Variants in FOXN3 observed in about 807,000 individuals in gnomAD.
FOXN3 encodes forkhead box protein N3.
In FOXN3, 7 loss-of-function variants were observed where a neutral mutation model predicts 38.4. That is an observed-to-expected ratio of 0.18 (90% CI 0.10 to 0.34). FOXN3 has a LOEUF of 0.34. Ranked by LOEUF, FOXN3 falls within the 10% of genes least tolerant of loss-of-function variation. The probability of loss-of-function intolerance (pLI) is 1.00; values close to 1 mark genes in which losing one functional copy is unlikely to be tolerated. For missense variants in FOXN3, 456 were observed against 613.4 expected, an observed-to-expected ratio of 0.74 and a Z score of 2.71; for synonymous variants, 230 against 242.2, an observed-to-expected ratio of 0.95 and a Z score of 0.47.
chr14:89,491,087 G>A (rs561541766), intron 1 of FOXN3, among the ~76,000 whole-genome samples: 1 of 151,878 alleles, frequency 6.6e-6, no homozygotes, highest in South Asian at 2.1e-4. Flanking sequence ...CGATTCTCCT[G>A]CCTCAGCTGG....
intron 1 of FOXN3, among the ~76,000 whole-genome samples, chr14:89,573,100 G>A (rs569492576): frequency 6.6e-6 from 1 of 152,180 alleles, no homozygotes; most frequent in East Asian, 1.9e-4. Flanking sequence ...GCGTCACCTA[G>A]TGCTTCTGAG....
At chr14:89,385,841 C>G (rs1890777336) in intron 2 of FOXN3, among the ~76,000 whole-genome samples, 1 of 152,174 alleles carries the variant, frequency 6.6e-6, no homozygotes, top group Non-Finnish European at 1.5e-5. Flanking sequence ...TTCTCTCAGG[C>G]CTCTTACTGT....
chr14:89,601,200 G>A (rs533287064), intron 1 of FOXN3, among the ~76,000 whole-genome samples: 2 of 152,282 alleles, frequency 1.3e-5, no homozygotes, highest in South Asian at 2.1e-4. Flanking sequence ...GAATTTTGAC[G>A]ATGCTATTCA....
At chr14:89,594,912 T>G (rs1298027286) in intron 1 of FOXN3, among the ~76,000 whole-genome samples, 2 of 152,136 alleles carry the variant, frequency 1.3e-5, no homozygotes, top group Non-Finnish European at 2.9e-5. Context: ...ATTTTGTGTT[T>G]CCACATAAAT....
rs1389626439 is a variant in FOXN3 at position 89,234,952 on chromosome 14, C to T, written c.745+45998G>A. On this transcript the variant is annotated intron_variant, in intron 4 of 5. Coordinates refer to ENST00000557258, the MANE Select transcript of FOXN3 (RefSeq NM_005197.4). ...CAAATTTGCCCTTCTTGCAACCTCC[C>T]TAATTCCCGCAGCAAGAAATGAAGT... is the stretch of plus-strand genomic sequence containing the variant. Among the ~76,000 whole-genome samples the T allele has an allele frequency of 2.6e-5, 4 of 152,270 alleles. No homozygotes were observed. In the South Asian group the frequency reaches 8.3e-4, roughly 32 times the overall value.
chr14:89,267,187 G>A (rs1463311963), intron 4 of FOXN3, among the ~76,000 whole-genome samples: 1 of 152,188 alleles, frequency 6.6e-6, no homozygotes, highest in Non-Finnish European at 1.5e-5. Context: ...GGAGATGAGG[G>A]TGGCTACACA....
intron 5 of FOXN3, among the ~76,000 whole-genome samples, chr14:89,176,277 C>G (rs1423001407): frequency 6.6e-6 from 1 of 152,104 alleles, no homozygotes; most frequent in East Asian, 1.9e-4. Context: ...GTGTAATGAT[C>G]AGCTAATAAA....
chr14:89,531,702 GC>G (rs1894575010), intron 1 of FOXN3, among the ~76,000 whole-genome samples: 2 of 152,260 alleles, frequency 1.3e-5, no homozygotes, highest in Non-Finnish European at 2.9e-5. Flanking sequence ...CTGCATTTCT[GC>G]ATTTCTGCCA....
At chr14:89,531,365 CATT>C (rs1294944056) in intron 1 of FOXN3, among the ~76,000 whole-genome samples, 1 of 152,048 alleles carries the variant, frequency 6.6e-6, no homozygotes, top group South Asian at 2.1e-4. Flanking sequence ...ATACATATAT[CATT>C]GTCTCTAGAA....
intron 4 of FOXN3, among the ~76,000 whole-genome samples, chr14:89,182,148 T>C (rs1044018554): frequency 4.6e-5 from 7 of 152,250 alleles, no homozygotes; most frequent in Non-Finnish European, 1.0e-4. Context: ...AAGCCAATAT[T>C]ATATAGGTAG....
rs1302981140 is a variant in FOXN3, at chr14:89,557,779, G to A, written c.-15+61249C>T. Among the ~76,000 whole-genome samples the A allele has an allele frequency of 3.3e-5, 5 of 152,336 alleles. No homozygotes were observed. In the East Asian group the frequency reaches 9.6e-4, roughly 29 times the overall value. Reference sequence around the variant, plus strand: ...CCAGCACTTCAGGAGGCTGAGGCGGGTAGATCACTTGAGGCCAGAAGTTTG... The same window carrying A: ...CCAGCACTTCAGGAGGCTGAGGCGGATAGATCACTTGAGGCCAGAAGTTTG... On this transcript the variant is annotated intron_variant, in intron 1 of 6. Coordinates refer to the FOXN3 transcript ENST00000345097.
At chr14:89,288,714 CTCTCTCTCTCTATATATA>C (rs1886746316) in intron 3 of FOXN3, among the ~76,000 whole-genome samples, 47 of 60,702 alleles carry the variant, frequency 7.7e-4, no homozygotes, top group African/African-American at 1.5e-3. Context: ...CTCTCTCTCT[CTCTCTCTCTCTATATATA>C]TATATATATA....
At chr14:89,449,886 G>A (rs2139709339) in intron 1 of FOXN3, among the ~76,000 whole-genome samples, 1 of 152,262 alleles carries the variant, frequency 6.6e-6, no homozygotes, top group Admixed American at 6.5e-5. Context: ...AAACCCAGTT[G>A]GTCTTAGGTC....
intron 3 of FOXN3, among the ~76,000 whole-genome samples, chr14:89,295,064 G>A (rs1287373470): frequency 1.3e-5 from 2 of 152,044 alleles, no homozygotes; most frequent in Non-Finnish European, 2.9e-5. Flanking sequence ...TTCCTTCCCA[G>A]CATGTCCTTC....
At chr14:89,252,151 A>C in intron 4 of FOXN3, among the ~76,000 whole-genome samples, 1 of 152,236 alleles carries the variant, frequency 6.6e-6, no homozygotes, top group East Asian at 1.9e-4. Flanking sequence ...CAAATGAAGA[A>C]ACAGAGATTA....
chr14:89,339,771 G>A (rs1388395541), intron 3 of FOXN3, among the ~76,000 whole-genome samples: 1 of 152,218 alleles, frequency 6.6e-6, no homozygotes, highest in African/African-American at 2.4e-5. Context: ...CCCATCTGCA[G>A]CACCAATTCG....
At chr14:89,340,492 G>A (rs551768235) in intron 3 of FOXN3, among the ~76,000 whole-genome samples, 6 of 152,220 alleles carry the variant, frequency 3.9e-5, no homozygotes, top group Non-Finnish European at 5.9e-5. Context: ...CGCTCTTTCC[G>A]TACCTCTCAC....
chr14:89,462,973 C>T (rs1266164188), intron 1 of FOXN3, among the ~76,000 whole-genome samples: 3 of 151,230 alleles, frequency 2.0e-5, no homozygotes, highest in Non-Finnish European at 2.9e-5. Context: ...TGTGAGCCAT[C>T]GCACCCAGCC....
chr14:89,332,898 C>A (rs535027748), intron 3 of FOXN3, among the ~76,000 whole-genome samples: 8 of 152,240 alleles, frequency 5.3e-5, no homozygotes, highest in African/African-American at 1.7e-4. Flanking sequence ...CCACAAATAA[C>A]CCAGTTTAAA....
Sources: allele counts gnomAD v4.1 joint callset (sites outside exome capture counted in the v4.1 genomes callset), GRCh38; gene constraint gnomAD v4.1.1; transcripts MANE v1.5; gene names NCBI Gene and HGNC (gene_info 2026-07-23, HGNC 2026-07-21).